POLR2B: variants seen among roughly 807,000 people sequenced by gnomAD.
The protein encoded by POLR2B is DNA-directed RNA polymerase II subunit RPB2.
In POLR2B, 57 loss-of-function variants were observed where a neutral mutation model predicts 144.6. The observed-to-expected ratio is 0.39, with a 90% CI of 0.32 to 0.49. The LOEUF is 0.49. Ranked by LOEUF, POLR2B falls within the 20% of genes least tolerant of loss-of-function variation. POLR2B has a pLI of 0.83. For missense variants in POLR2B, 595 were observed against 1,467.4 expected, an observed-to-expected ratio of 0.41 and a Z score of 9.71; for synonymous variants, 442 against 469.8, an observed-to-expected ratio of 0.94 and a Z score of 0.77.
In POLR2B at chr4:56,993,797, A is replaced by G. The variant is rs560496616; in HGVS notation, c.244-607A>G. Among the ~76,000 whole-genome samples, 4 of 152,296 alleles carry G rather than the reference A, an allele frequency of 2.6e-5. No homozygotes were observed. In the South Asian group the frequency reaches 8.3e-4, roughly 32 times the overall value. On this transcript the variant is annotated intron_variant, in intron 3 of 24. Transcript: ENST00000314595. ...TTAACTCTACTCCTTTGACAGATTA[A>G]TTTGTATATTTAACTGAAGAGAGGT...
In POLR2B at chr4:57,017,413, A is replaced by T; in HGVS notation, c.2155-147A>T. On this transcript the variant is annotated intron_variant, in intron 15 of 24. Coordinates refer to ENST00000314595, the MANE Select transcript of POLR2B (RefSeq NM_000938.3). The surrounding 1 kb of genome is among the most constrained non-coding windows in gnomAD (Gnocchi z 4.8). ...GTTGTGTTTCATGGTTAAGAGCCGTAATTGATTATTCCAAATGGTTATTAC... is the reference window on the plus strand; with the variant it reads ...GTTGTGTTTCATGGTTAAGAGCCGTTATTGATTATTCCAAATGGTTATTAC... 1 of 779,856 alleles carries T rather than the reference A, an allele frequency of 1.3e-6. No homozygotes were observed. Among genetic ancestry groups the T allele is most frequent in the Non-Finnish European group, 2.1e-6 (1 of 484,454 alleles). 48.3% of individuals were successfully genotyped at this position (779,856 alleles called of 1,614,324 possible). A position where few individuals can be genotyped will look rare whatever the true frequency, so the allele number is the denominator to read the frequency against.
Position 56,985,266 on chromosome 4 carries a change from G to A in POLR2B, c.20-1088G>A, listed in dbSNP as rs372014743. 95 of 910,788 alleles carry A rather than the reference G, an allele frequency of 1.0e-4. No homozygotes were observed. In the Middle Eastern group the frequency reaches 1.7e-3, roughly 16 times the overall value. 56.4% of individuals were successfully genotyped at this position (910,788 alleles called of 1,614,324 possible). On this transcript the variant is annotated intron_variant, in intron 1 of 24. Transcript: ENST00000314595. ...TTTTAAATTTTTGAGACAGAGTCTC[G>A]CTCTGTGGCCCAGGCTGGAGTGCAG...
At chr4:57,014,013 TAAGAACTTAAGGCAGTGCATTTGAAAG>T (rs1430437177) in intron 13 of POLR2B, among the ~76,000 whole-genome samples, 5 of 152,036 alleles carry the variant, frequency 3.3e-5, no homozygotes, top group African/African-American at 1.2e-4. Context: ...GTTAGTTTTC[TAAGAACTTAAGGCAGTGCATTTGAAAG>T]AAGAATCTTT....
Position 57,020,901 on chromosome 4 carries a change from A to G in POLR2B, c.2326A>G (p.Ile776Val). The change falls in exon 17 of 25, where the codon ATC (isoleucine) becomes GTC (valine). Residue 776 changes from isoleucine to valine, a missense_variant and splice_region_variant. Physicochemically the swap from Ile to Val is conservative, Grantham distance 29. Transcript: ENST00000314595. ...GTATGCTCTTAAATTCACTGCAGGC[A>G]TCAACTCAATTGTGGCCATTGCATC... The part of the protein sequence containing the change: ...YLRFRELPAG[I>V]NSIVAIASYT... 1.3e-6 allele frequency: 2 copies of G among 1,527,216 alleles called. No homozygotes were observed. Among genetic ancestry groups the G allele is most frequent in the South Asian group, 1.1e-5 (1 of 89,432 alleles). The allele number at this position is 1,527,216 out of a possible 1,614,324, so 94.6% of individuals were successfully genotyped here.
At chr4:56,985,688 CACCCCTACT>C (rs1236166829) in intron 1 of POLR2B, among the ~76,000 whole-genome samples, 1 of 152,176 alleles carries the variant, frequency 6.6e-6, no homozygotes, top group South Asian at 2.1e-4. Context: ...AGGCCTGAGC[CACCCCTACT>C]TTTTAATGAC....
intron 14 of POLR2B, 147 bp downstream of exon 14, chr4:57,015,803 C>T (rs1488302065): frequency 4.2e-5 from 9 of 216,778 alleles, no homozygotes; most frequent in Non-Finnish European, 7.7e-5. Context: ...CTGTGTCGCC[C>T]ATGCTGGAGT....
chr4:57,023,496 T>TA lies in POLR2B; in HGVS notation c.2682_2683insA (p.Phe895IlefsTer5). The TA allele has an allele frequency of 6.2e-7, 1 of 1,613,868 alleles. No individual in the cohort carries two copies. The highest frequency in any genetic ancestry group is 8.5e-7 in the Non-Finnish European group (1 of 1,179,758). On this transcript the variant is annotated frameshift_variant, in exon 19 of 25. Transcript: ENST00000314595. LOFTEE classifies it high-confidence loss of function. This position sits in a 1 kb window ranked among gnomAD's most constrained non-coding sequence, Gnocchi z 4.3. ...GCTATACCAAGAGAGACTGTAGCAC[T>TA]TTTCTCAGAACTAGCGAGACGGGCA...
At chr4:57,014,454 C>T (rs898420714) in intron 13 of POLR2B, among the ~76,000 whole-genome samples, 2 of 150,912 alleles carry the variant, frequency 1.3e-5, no homozygotes, top group African/African-American at 4.9e-5. Context: ...CTTTGCCTCA[C>T]AAAGTGTTGG....
intron 6 of POLR2B, among the ~76,000 whole-genome samples, chr4:56,997,259 G>GTTTT (rs57054646): frequency 1.4e-5 from 2 of 142,166 alleles, no homozygotes; most frequent in Non-Finnish European, 1.5e-5. Flanking sequence ...TCCATGCAAA[G>GTTTT]TTTTTTTTTT....
At chr4:57,025,135 C>T (rs1723673599) in intron 22 of POLR2B, 136 bp downstream of exon 22, 3 of 621,018 alleles carry the variant, frequency 4.8e-6, no homozygotes, top group Non-Finnish European at 5.6e-6. Flanking sequence ...TGAATTTTCA[C>T]AAAGTAAACA....
chr4:56,998,434 T>G (rs2109669054), intron 6 of POLR2B, among the ~76,000 whole-genome samples: 1 of 152,320 alleles, frequency 6.6e-6, no homozygotes, highest in African/African-American at 2.4e-5. Context: ...CAACCTCTGG[T>G]GATCCACCCG....
rs1463435509 is a variant in POLR2B at position 57,005,235 on chromosome 4, TTGTC to T, written c.901-8_901-5del. ...AATTTGAAAATAACTTTTATTTAAATTGTCTGATAGGTTAAACCTTCTCTCGATG... is the reference window on the plus strand; with the variant it reads ...AATTTGAAAATAACTTTTATTTAAATTGATAGGTTAAACCTTCTCTCGATG... On this transcript the variant is annotated splice_region_variant and splice_polypyrimidine_tract_variant and intron_variant, in intron 7 of 24. Coordinates refer to ENST00000314595, the MANE Select transcript of POLR2B (RefSeq NM_000938.3). 1.2e-6 allele frequency: 1 copy of T among 827,324 alleles called. No homozygotes were observed. Among genetic ancestry groups the T allele is most frequent in the Non-Finnish European group, 1.7e-6 (1 of 590,006 alleles). The allele number at this position is 827,324 out of a possible 1,614,324, so 51.2% of individuals were successfully genotyped here. A position where few individuals can be genotyped will look rare whatever the true frequency, so the allele number is the denominator to read the frequency against.
chr4:57,009,446 A>G (rs1723123126), intron 10 of POLR2B: 1 of 152,216 alleles, frequency 6.6e-6, no homozygotes, highest in African/African-American at 2.4e-5. Context: ...GCCAGTGGCT[A>G]CCTGTTTAAT....
chr4:57,007,644 G>A (rs925036870), intron 10 of POLR2B, among the ~76,000 whole-genome samples: 5 of 152,050 alleles, frequency 3.3e-5, no homozygotes, highest in South Asian at 2.1e-4. Context: ...AATGGTCATC[G>A]CCCTCCTTTG....
At chr4:56,993,584 T>C (rs1722588889) in intron 3 of POLR2B, among the ~76,000 whole-genome samples, 1 of 152,220 alleles carries the variant, frequency 6.6e-6, no homozygotes, top group Non-Finnish European at 1.5e-5. Flanking sequence ...ACTATCCATT[T>C]ATCTCTAGAA....
chr4:56,992,582 C>A (rs1259759495), intron 3 of POLR2B, among the ~76,000 whole-genome samples: 6 of 112,026 alleles, frequency 5.4e-5, no homozygotes, highest in African/African-American at 1.7e-4. Flanking sequence ...TTTTTTGAGA[C>A]AGAGTCTCGC....
chr4:56,994,861 GA>G lies in POLR2B; in HGVS notation c.575del (p.Lys192ArgfsTer3). Reference protein sequence around the residue: ...PGGYFIINGSEKVLIAQEKMA... With the variant: ...PGGYFIINGSXKVLIAQEKMA... ...TGGCTATTTCATTATTAATGGATCAGAAAAGGTATAGTAACATTATTTTAAA... is the reference window on the plus strand; with the variant it reads ...TGGCTATTTCATTATTAATGGATCAGAAAGGTATAGTAACATTATTTTAAA... On this transcript the variant is annotated frameshift_variant, in exon 5 of 25. Coordinates refer to ENST00000314595, the MANE Select transcript of POLR2B (RefSeq NM_000938.3). LOFTEE classifies it high-confidence loss of function. The G allele has an allele frequency of 1.3e-6, 2 of 1,515,156 alleles. No homozygotes were observed. The highest frequency in any genetic ancestry group is 1.8e-6 in the Non-Finnish European group (2 of 1,108,862). 93.9% of individuals were successfully genotyped at this position (1,515,156 alleles called of 1,614,324 possible).
intron 3 of POLR2B, among the ~76,000 whole-genome samples, chr4:56,991,534 C>T (rs970188986): frequency 2.6e-5 from 4 of 152,256 alleles, no homozygotes; most frequent in African/African-American, 9.6e-5. Flanking sequence ...ACAGGGAAAA[C>T]TGAGAAACAA....
intron 1 of POLR2B, among the ~76,000 whole-genome samples, chr4:56,983,185 C>T (rs1030946730): frequency 1.3e-5 from 2 of 152,192 alleles, no homozygotes; most frequent in African/African-American, 4.8e-5. Flanking sequence ...CTTCCAACTT[C>T]ACAATCTGTG....
Sources: allele counts gnomAD v4.1 joint callset (sites outside exome capture counted in the v4.1 genomes callset), GRCh38; gene constraint gnomAD v4.1.1; non-coding constraint Gnocchi (gnomAD v3.1); transcripts MANE v1.5; gene names NCBI Gene and HGNC (gene_info 2026-07-23, HGNC 2026-07-21).